The following UBXN7 variants were observed in gnomAD, a reference collection of about 807,000 sequenced individuals.
UBXN7 encodes UBX domain-containing protein 7.
UBXN7 carries 9 observed loss-of-function variants against 58.0 expected under a neutral mutation model. That is an observed-to-expected ratio of 0.16 (90% CI 0.09 to 0.27). The LOEUF is 0.27. Ranked by LOEUF, UBXN7 falls within the 10% of genes least tolerant of loss-of-function variation. The pLI is 1.00. For missense variants in UBXN7, 328 were observed against 599.6 expected, an observed-to-expected ratio of 0.55 and a Z score of 4.73; for synonymous variants, 208 against 205.0, an observed-to-expected ratio of 1.01 and a Z score of -0.12.
At chr3:196,431,596 C>T (rs1414579819) in intron 1 of UBXN7, 1 of 151,234 alleles carries the variant, frequency 6.6e-6, no homozygotes, top group African/African-American at 2.4e-5. Context: ...GCGCCATCGT[C>T]TCCGTCTTTA....
intron 10 of UBXN7, 77 bp downstream of exon 10, chr3:196,361,767 T>C (rs1241567667): frequency 1.6e-6 from 2 of 1,231,496 alleles, no homozygotes; most frequent in East Asian, 2.3e-5. Context: ...AACTTTTATA[T>C]GCACCAGGAA....
In UBXN7 at chr3:196,362,437, T is replaced by C. The variant is rs376058456; in HGVS notation, c.1085A>G (p.Asn362Ser). The C allele has an allele frequency of 4.3e-6, 7 of 1,614,188 alleles. No homozygotes were observed. Among genetic ancestry groups the C allele is most frequent in the Non-Finnish European group, 5.9e-6 (7 of 1,180,044 alleles). ...TGGTGGCTCAGTCAGCGGCCTTCTATTCTCCTCTTTTCTATGCCCCAAATC... is the reference window on the plus strand; with the variant it reads ...TGGTGGCTCAGTCAGCGGCCTTCTACTCTCCTCTTTTCTATGCCCCAAATC... ...HKDLGHRKEENRRPLTEPPVR... is the reference protein window; with the variant it reads ...HKDLGHRKEESRRPLTEPPVR... Residue 362 changes from asparagine (N) to serine (S), a missense_variant, in exon 9 of 11, where the codon AAT becomes AGT. This residue lies in a region of UBXN7 where 66 missense variants were observed against 77.9 expected (regional missense o/e 0.85). Transcript: ENST00000296328.
rs912866138 is a variant in UBXN7 at position 196,356,541 on chromosome 3, G to C, written c.*144C>G. The C allele has an allele frequency of 4.8e-6, 4 of 828,338 alleles. No homozygotes were observed. The highest frequency in any genetic ancestry group is 3.1e-5 in the Admixed American group (1 of 32,054). 51.3% of individuals were successfully genotyped at this position (828,338 alleles called of 1,614,324 possible). A position where few individuals can be genotyped will look rare whatever the true frequency, so the allele number is the denominator to read the frequency against. On this transcript the variant is annotated 3_prime_UTR_variant, in exon 11 of 11. Coordinates refer to ENST00000296328, the MANE Select transcript of UBXN7 (RefSeq NM_015562.2). Reference sequence around the variant, plus strand: ...GGGGAGAAAGAGACTGATTATAGGAGAGATCAAGAAATAAGAGAAGGAAGG... The same window carrying C: ...GGGGAGAAAGAGACTGATTATAGGACAGATCAAGAAATAAGAGAAGGAAGG...
At chr3:196,406,288 C>T (rs1162797406) in intron 2 of UBXN7, among the ~76,000 whole-genome samples, 1 of 152,080 alleles carries the variant, frequency 6.6e-6, no homozygotes, top group Non-Finnish European at 1.5e-5. Context: ...CTGCCTTGGC[C>T]TCCCAAAGTA....
intron 1 of UBXN7, among the ~76,000 whole-genome samples, chr3:196,411,745 G>T (rs544657774): frequency 8.5e-5 from 13 of 152,298 alleles, no homozygotes; most frequent in African/African-American, 3.1e-4. Flanking sequence ...GGGAGGCGGA[G>T]GTTGCAGTGA....
chr3:196,416,091 A>AT (rs774306148), intron 1 of UBXN7: 1 of 152,262 alleles, frequency 6.6e-6, no homozygotes, highest in Non-Finnish European at 1.5e-5. Flanking sequence ...CACTTCTGCC[A>AT]TAACAGCAAC....
chr3:196,399,507 G>A (rs1336852407), intron 3 of UBXN7, among the ~76,000 whole-genome samples: 1 of 152,178 alleles, frequency 6.6e-6, no homozygotes, highest in Non-Finnish European at 1.5e-5. Context: ...CATGATCATA[G>A]TTCACTGCAG....
intron 1 of UBXN7, among the ~76,000 whole-genome samples, chr3:196,412,230 C>CAAAAAAAAAAAAAAAA (rs55746914): frequency 9.0e-5 from 8 of 89,056 alleles, no homozygotes; most frequent in African/African-American, 2.0e-4. Flanking sequence ...GACTTTGTCT[C>CAAAAAAAAAAAAAAAA]AAAAAAAAAA....
intron 3 of UBXN7, among the ~76,000 whole-genome samples, chr3:196,394,895 T>C (rs1429476270): frequency 1.3e-5 from 2 of 152,186 alleles, no homozygotes; most frequent in Admixed American, 6.6e-5. Flanking sequence ...AGTAAACAGA[T>C]CCACCTAAGG....
At chr3:196,408,741 G>C (rs977045994) in intron 1 of UBXN7, among the ~76,000 whole-genome samples, 7 of 152,106 alleles carry the variant, frequency 4.6e-5, no homozygotes, top group Non-Finnish European at 1.0e-4. Context: ...GCATTCCAAT[G>C]TCCTCTGGCT....
chr3:196,417,219 A>C (rs1334556866), intron 1 of UBXN7, among the ~76,000 whole-genome samples: 3 of 152,132 alleles, frequency 2.0e-5, no homozygotes, highest in East Asian at 1.9e-4. Context: ...AGGCTGAGGC[A>C]GGAGAATGGC....
chr3:196,380,298 A>G (rs976260573), intron 5 of UBXN7, among the ~76,000 whole-genome samples: 8 of 151,832 alleles, frequency 5.3e-5, no homozygotes, highest in African/African-American at 1.9e-4. Context: ...AAGAACAGCC[A>G]CTCCATAGGC....
intron 5 of UBXN7, among the ~76,000 whole-genome samples, chr3:196,379,944 ATAGAG>A (rs1035607591): frequency 7.9e-5 from 12 of 152,146 alleles, no homozygotes; most frequent in Admixed American, 1.3e-4. Context: ...GGGCGAGCCT[ATAGAG>A]TAAAGTGAAA....
rs1340201104 is a variant in UBXN7 at position 196,356,246 on chromosome 3, A to C, written c.*439T>G. On this transcript the variant is annotated 3_prime_UTR_variant, in exon 11 of 11. Coordinates refer to ENST00000296328, the MANE Select transcript of UBXN7 (RefSeq NM_015562.2). ...CTCCCTGCTAAACACGGGGACTTAC[A>C]AAAAAGGGAGGGTTGTTCTTACTCT... The C allele has an allele frequency of 6.5e-6, 1 of 153,234 alleles. No individual in the cohort carries two copies. The highest frequency in any genetic ancestry group is 2.4e-5 in the African/African-American group (1 of 41,456). 9.5% of individuals were successfully genotyped at this position (153,234 alleles called of 1,614,324 possible). A position where few individuals can be genotyped will look rare whatever the true frequency, so the allele number is the denominator to read the frequency against.
chr3:196,368,248 C>A, intron 7 of UBXN7, 93 bp from the exon 8 acceptor site: 2 of 1,258,992 alleles, frequency 1.6e-6, no homozygotes, highest in East Asian at 2.6e-5. Context: ...ACCTAGAATC[C>A]TTCTGAACAC....
At chr3:196,359,831 G>A (rs948197861) in intron 10 of UBXN7, among the ~76,000 whole-genome samples, 2 of 151,966 alleles carry the variant, frequency 1.3e-5, no homozygotes, top group Non-Finnish European at 2.9e-5. Context: ...GCTTGAACCC[G>A]GGAGGCGGAG....
At chr3:196,385,913 G>A (rs904176721) in intron 5 of UBXN7, among the ~76,000 whole-genome samples, 9 of 152,198 alleles carry the variant, frequency 5.9e-5, no homozygotes, top group Admixed American at 6.5e-5. Context: ...CCATGATGAC[G>A]ATGGTGGTTT....
intron 1 of UBXN7, among the ~76,000 whole-genome samples, chr3:196,417,179 G>T (rs1052206800): frequency 6.6e-6 from 1 of 152,170 alleles, no homozygotes; most frequent in Admixed American, 6.5e-5. Context: ...CGGGCGTGGT[G>T]GCGGGCGCTT....
At chr3:196,419,967 G>A (rs762374911) in intron 1 of UBXN7, among the ~76,000 whole-genome samples, 1 of 152,184 alleles carries the variant, frequency 6.6e-6, no homozygotes, top group Non-Finnish European at 1.5e-5. Context: ...ATGAAGAAGT[G>A]AAGGTTAACT....
Sources: gnomAD v4.1 joint callset for allele counts (sites outside exome capture counted in the v4.1 genomes callset) on GRCh38, gnomAD v4.1.1 for gene constraint, gnomAD v4.1.1 regional missense constraint, MANE v1.5 for transcripts, NCBI Gene and HGNC (gene_info 2026-07-23, HGNC 2026-07-21) for gene names.